ETV6: variants seen among roughly 807,000 people sequenced by gnomAD.
ETV6 encodes the protein ETS variant transcription factor 6, also known as transcription factor ETV6.
Under a neutral mutation model 51.1 loss-of-function variants are expected in ETV6, and 16 were observed. The observed-to-expected ratio is 0.31, with a 90% CI of 0.21 to 0.48. The LOEUF is 0.48. ETV6 is among the 20% of genes least tolerant of loss of function. The pLI is 0.99. For missense variants in ETV6, 458 were observed against 594.8 expected (o/e 0.77, Z 2.39); for synonymous variants, 240 against 224.1 (o/e 1.07, Z -0.64).
At chr12:11,704,386 G>T (rs1865035938) in intron 1 of ETV6, among the ~76,000 whole-genome samples, 1 of 152,044 alleles carries the variant, frequency 6.6e-6, no homozygotes, top group Admixed American at 6.6e-5. Context: ...TCACTCTGTT[G>T]CCCAGGCTGG....
At chr12:11,701,828 G>A (rs1864988865) in intron 1 of ETV6, among the ~76,000 whole-genome samples, 2 of 152,178 alleles carry the variant, frequency 1.3e-5, no homozygotes, top group Non-Finnish European at 2.9e-5. Context: ...GGTAAGAAGA[G>A]TTCAAAGGAG....
intron 3 of ETV6, among the ~76,000 whole-genome samples, chr12:11,852,647 C>T (rs950514696): frequency 6.6e-6 from 1 of 152,044 alleles, no homozygotes; most frequent in Non-Finnish European, 1.5e-5. Flanking sequence ...AGAACATCCT[C>T]ACAAAAAATA....
At chr12:11,660,043 A>T (rs1591591472) in intron 1 of ETV6, among the ~76,000 whole-genome samples, 2 of 152,256 alleles carry the variant, frequency 1.3e-5, no homozygotes, top group East Asian at 3.8e-4. Context: ...TGTATTTCAA[A>T]ATAACTAGAA....
chr12:11,695,509 A>AAGTGAAAT (rs1387735341), intron 1 of ETV6, among the ~76,000 whole-genome samples: 1 of 152,182 alleles, frequency 6.6e-6, no homozygotes, highest in Non-Finnish European at 1.5e-5. Flanking sequence ...CACTTCAGGG[A>AAGTGAAAT]AGTGAAATGG....
chr12:11,694,957 T>C (rs1289170914), intron 1 of ETV6, among the ~76,000 whole-genome samples: 1 of 152,316 alleles, frequency 6.6e-6, no homozygotes, highest in East Asian at 1.9e-4. Flanking sequence ...TTGGAACCGG[T>C]CATGTAAAGA....
intron 3 of ETV6, among the ~76,000 whole-genome samples, chr12:11,848,601 T>A (rs1391848476): frequency 6.6e-6 from 1 of 152,258 alleles, no homozygotes; most frequent in Non-Finnish European, 1.5e-5. Flanking sequence ...GTGTTTTGTT[T>A]CTGTGTGTGC....
At chr12:11,889,397 G>C (rs956950803) in intron 7 of ETV6, among the ~76,000 whole-genome samples, 1 of 152,218 alleles carries the variant, frequency 6.6e-6, no homozygotes, top group Non-Finnish European at 1.5e-5. Flanking sequence ...TTAGAAGCCA[G>C]ACTTGCCACA....
At chr12:11,769,420 C>A (rs1057288974) in intron 2 of ETV6, among the ~76,000 whole-genome samples, 1 of 151,500 alleles carries the variant, frequency 6.6e-6, no homozygotes, top group Non-Finnish European at 1.5e-5. Context: ...ACACAGATAA[C>A]ATCCAGGAGA....
intron 7 of ETV6, 86 bp downstream of exon 7, chr12:11,886,112 C>T: frequency 1.1e-6 from 1 of 908,128 alleles, no homozygotes; most frequent in Non-Finnish European, 1.8e-6. Context: ...CTGTTAAGAT[C>T]TCTACCTGCC....
chr12:11,789,086 G>A (rs1483549080), intron 2 of ETV6, among the ~76,000 whole-genome samples: 4 of 152,092 alleles, frequency 2.6e-5, no homozygotes, highest in Non-Finnish European at 5.9e-5. Flanking sequence ...GGACTGGAGT[G>A]CAGTTGTGTG....
At chr12:11,657,943 A>G (rs2120626933) in intron 1 of ETV6, among the ~76,000 whole-genome samples, 1 of 152,350 alleles carries the variant, frequency 6.6e-6, no homozygotes, top group East Asian at 1.9e-4. Context: ...CTCCTAGGGG[A>G]AGAGTACAGA....
chr12:11,762,373 C>T, intron 2 of ETV6, among the ~76,000 whole-genome samples: 1 of 152,220 alleles, frequency 6.6e-6, no homozygotes, highest in East Asian at 1.9e-4. Context: ...CCCTCTGCAA[C>T]TCAAGGCGTG....
intron 1 of ETV6, among the ~76,000 whole-genome samples, chr12:11,739,937 C>A (rs967403549): frequency 6.6e-6 from 1 of 152,150 alleles, no homozygotes; most frequent in African/African-American, 2.4e-5. Flanking sequence ...CATAATTTTT[C>A]CCGTTGTGTT....
At chr12:11,709,694 G>A (rs536059332) in intron 1 of ETV6, among the ~76,000 whole-genome samples, 17 of 152,300 alleles carry the variant, frequency 1.1e-4, no homozygotes, top group African/African-American at 4.1e-4. Flanking sequence ...TTAAATTGGT[G>A]GACTTTGAGT....
chr12:11,700,096 A>G (rs1205329675), intron 1 of ETV6, among the ~76,000 whole-genome samples: 3 of 152,152 alleles, frequency 2.0e-5, no homozygotes, highest in Non-Finnish European at 4.4e-5. Flanking sequence ...AGTGCCTTGC[A>G]TGAGGCCTGG....
chr12:11,818,290 A>G (rs1946024058), intron 2 of ETV6, among the ~76,000 whole-genome samples: 1 of 152,146 alleles, frequency 6.6e-6, no homozygotes, highest in African/African-American at 2.4e-5. Flanking sequence ...GGCCAAGGTG[A>G]GCAGATCACG....
intron 3 of ETV6, among the ~76,000 whole-genome samples, chr12:11,848,920 C>T (rs915670023): frequency 6.6e-6 from 1 of 152,148 alleles, no homozygotes; most frequent in Non-Finnish European, 1.5e-5. Flanking sequence ...CACTGTGTTT[C>T]TTTTCTGGGA....
intron 1 of ETV6, among the ~76,000 whole-genome samples, chr12:11,745,029 T>C (rs148586469): frequency 7.0e-4 from 107 of 152,352 alleles, no homozygotes; most frequent in African/African-American, 2.5e-3. Flanking sequence ...TGCTTGTCTT[T>C]AAAGAAATTG....
chr12:11,827,682 C>T (rs1946178557), intron 2 of ETV6, among the ~76,000 whole-genome samples: 1 of 152,144 alleles, frequency 6.6e-6, no homozygotes, highest in Admixed American at 6.5e-5. Flanking sequence ...TGGGAACAGG[C>T]ACAGCTGAGC....
Sources: gnomAD v4.1 joint callset for allele counts (sites outside exome capture counted in the v4.1 genomes callset) on GRCh38, gnomAD v4.1.1 for gene constraint, MANE v1.5 for transcripts, NCBI Gene and HGNC (gene_info 2026-07-23, HGNC 2026-07-21) for gene names.